FRYL: variants seen among roughly 807,000 people sequenced by gnomAD.
FRYL encodes the protein FRY like transcription coactivator, also known as protein furry homolog-like.
Under a neutral mutation model 351.2 loss-of-function variants are expected in FRYL, and 150 were observed. The ratio of observed to expected loss-of-function variants is 0.43; its 90% CI spans 0.37 to 0.49. FRYL has a LOEUF of 0.49. Among genes scored for constraint, FRYL ranks in the 20% least tolerant of loss-of-function variants. The pLI, the probability that FRYL is intolerant of heterozygous loss-of-function variation, is 0.00. For missense variants in FRYL, 3,036 were observed against 3,619.3 expected (o/e 0.84, Z 4.13); for synonymous variants, 1,153 against 1,257.1 (o/e 0.92, Z 1.75).
intron 3 of FRYL, among the ~76,000 whole-genome samples, chr4:48,677,674 T>C (rs1763938049): frequency 6.6e-6 from 1 of 152,234 alleles, no homozygotes; most frequent in African/African-American, 2.4e-5. Context: ...GCCTCCCAAA[T>C]TGCTGGGATT....
intron 1 of FRYL, among the ~76,000 whole-genome samples, chr4:48,740,828 T>G (rs1450137994): frequency 6.6e-6 from 1 of 152,184 alleles, no homozygotes; most frequent in African/African-American, 2.4e-5. Context: ...AAACAGCCAC[T>G]TTGAAAGACA....
At chr4:48,676,428 G>A (rs138387019) in intron 3 of FRYL, among the ~76,000 whole-genome samples, 256 of 152,312 alleles carry the variant, frequency 1.7e-3, no homozygotes, top group African/African-American at 5.7e-3. Context: ...CACTCACCGC[G>A]AGGGTCCGCG....
chr4:48,578,506 C>T (rs1442314670), intron 23 of FRYL, among the ~76,000 whole-genome samples: 1 of 152,198 alleles, frequency 6.6e-6, no homozygotes, highest in Admixed American at 6.5e-5. Flanking sequence ...TATTCCAAAT[C>T]TTTACCAACA....
Position 48,501,743 on chromosome 4 carries a change from AATAAC to A in FRYL, c.8482-15_8482-11del, listed in dbSNP as rs761189449. 21 of 1,422,658 alleles carry A rather than the reference AATAAC, an allele frequency of 1.5e-5. No individual in the cohort carries two copies. In the Middle Eastern group the frequency reaches 5.3e-4, roughly 36 times the overall value. 88.1% of individuals were successfully genotyped at this position (1,422,658 alleles called of 1,614,324 possible). A position where few individuals can be genotyped will look rare whatever the true frequency, so the allele number is the denominator to read the frequency against. On this transcript the variant is annotated splice_polypyrimidine_tract_variant and intron_variant, in intron 61 of 63. Transcript: ENST00000358350. ...GGCAGAGCTCCAATTCCTAGAAATA[AATAAC>A]ATTACATTAAATTTAGGTGTTATTT...
rs146380500 is a variant in FRYL at position 48,738,856 on chromosome 4, G to A, written c.-383-28158C>T. Among the ~76,000 whole-genome samples, 248 of 152,070 alleles carry A rather than the reference G, an allele frequency of 1.6e-3. 1 individual carries two copies. The highest frequency in any genetic ancestry group is 5.6e-3 in the African/African-American group (231 of 41,494). On this transcript the variant is annotated intron_variant, in intron 1 of 63. Transcript: ENST00000358350. ...TTAGTTATTCCCAACTTGATCTATA[G>A]GGTCAACGCAATCTCAATGAAAATT...
At chr4:48,530,655 C>G (rs1187259884) in intron 50 of FRYL, among the ~76,000 whole-genome samples, 2 of 152,126 alleles carry the variant, frequency 1.3e-5, no homozygotes, top group Non-Finnish European at 2.9e-5. Context: ...GTAGGCGGTA[C>G]TAGTTGGAAG....
Position 48,656,719 on chromosome 4 carries a change from T to C in FRYL, c.-80-22229A>G, listed in dbSNP as rs1306054254. ...TATGCATATATATAAAATGTATATA[T>C]ATGACTGACTATATATATATATATT... On this transcript the variant is annotated intron_variant, in intron 3 of 63. Transcript: ENST00000358350. 6.7e-5 allele frequency among the ~76,000 whole-genome samples: 4 copies of C among 59,694 alleles called. 1 individual carries two copies. Among genetic ancestry groups the C allele is most frequent in the Admixed American group, 5.9e-4 (2 of 3,378 alleles). 39.2% of individuals were successfully genotyped at this position (59,694 alleles called of 152,430 possible). A position where few individuals can be genotyped will look rare whatever the true frequency, so the allele number is the denominator to read the frequency against.
chr4:48,618,562 T>C (rs1750015215), intron 7 of FRYL: 1 of 137,392 alleles, frequency 7.3e-6, no homozygotes, highest in Non-Finnish European at 1.5e-5. Context: ...CCTTGAATGA[T>C]ATAACTTTAA....
At chr4:48,740,240 C>A (rs1211718027) in intron 1 of FRYL, among the ~76,000 whole-genome samples, 1 of 151,082 alleles carries the variant, frequency 6.6e-6, no homozygotes. Flanking sequence ...AAAGTAGCAT[C>A]CAAAATACAT....
At chr4:48,524,835 C>T (rs1725660148) in intron 53 of FRYL, among the ~76,000 whole-genome samples, 2 of 152,006 alleles carry the variant, frequency 1.3e-5, no homozygotes, top group Non-Finnish European at 2.9e-5. Flanking sequence ...AATAACCTTA[C>T]CATTACAAAA....
chr4:48,698,079 A>C (rs993887873), intron 2 of FRYL, among the ~76,000 whole-genome samples: 6 of 152,206 alleles, frequency 3.9e-5, no homozygotes, highest in Non-Finnish European at 7.4e-5. Flanking sequence ...AGGAGTTTAC[A>C]GACAAGCTGG....
chr4:48,659,387 AAGGAGAAGAAGGAGAAGG>A lies in FRYL; in HGVS notation c.-80-24915_-80-24898del, dbSNP rs532538091. ...AAAAAAGAGAGAGAAGAAGAAGGAG[AAGGAGAAGAAGGAGAAGG>A]AGAAGGAGAAGGAGAAGGAGAAGAG... On this transcript the variant is annotated intron_variant, in intron 3 of 63. Transcript: ENST00000358350. 2.1e-3 allele frequency among the ~76,000 whole-genome samples: 47 copies of A among 22,826 alleles called. 15 individuals are homozygous for A. Among genetic ancestry groups the A allele is most frequent in the Non-Finnish European group, 3.7e-3 (32 of 8,708 alleles). 15.0% of individuals were successfully genotyped at this position (22,826 alleles called of 152,430 possible).
chr4:48,531,332 G>C lies in FRYL; in HGVS notation c.6727C>G (p.Leu2243Val). ...GACACCACCAGCTTTAATATGTTAAGGGCTTCCTTCCAGTAAGGACTCTGG... is the reference window on the plus strand; with the variant it reads ...GACACCACCAGCTTTAATATGTTAACGGCTTCCTTCCAGTAAGGACTCTGG... ...YVQSPYWKEA[L>V]NILKLVVSRS... The change falls in exon 50 of 64, where the codon CTT becomes GTT. Residue 2243 changes from leucine (L) to valine (V), a missense_variant. Leu to Val is a conservative substitution (Grantham distance 32). Coordinates refer to ENST00000358350, the MANE Select transcript of FRYL (RefSeq NM_015030.2). 2.5e-6 allele frequency: 4 copies of C among 1,613,226 alleles called. No individual in the cohort carries two copies. The highest frequency in any genetic ancestry group is 3.4e-6 in the Non-Finnish European group (4 of 1,179,522).
Position 48,778,642 on chromosome 4 carries a change from T to C in FRYL, c.-384+1436A>G, listed in dbSNP as rs183047227. On this transcript the variant is annotated intron_variant, in intron 1 of 63. Transcript: ENST00000358350. ...TATCTCTGATTTCCTCGGCAAGTAT[T>C]GACAGATTAAGCAGAGTGATAATGC... is the stretch of plus-strand genomic sequence containing the variant. 1.8e-3 allele frequency among the ~76,000 whole-genome samples: 275 copies of C among 152,358 alleles called. 1 individual carries two copies. The highest frequency in any genetic ancestry group is 0.014 in the Middle Eastern group (4 of 294).
intron 1 of FRYL, among the ~76,000 whole-genome samples, chr4:48,744,491 GAA>G (rs1239051197): frequency 6.6e-6 from 1 of 152,178 alleles, no homozygotes; most frequent in Non-Finnish European, 1.5e-5. Context: ...GAACCCCAAA[GAA>G]ATGTTAGAGA....
chr4:48,527,738 G>T, intron 52 of FRYL, 85 bp from the exon 53 acceptor site: 1 of 1,311,712 alleles, frequency 7.6e-7, no homozygotes, highest in Non-Finnish European at 1.1e-6. Flanking sequence ...CAAAGCCACC[G>T]CAGGCCTCAT....
chr4:48,723,295 A>C (rs1037536412), intron 1 of FRYL, among the ~76,000 whole-genome samples: 13 of 152,168 alleles, frequency 8.5e-5, no homozygotes, highest in African/African-American at 3.1e-4. Context: ...GGCATATGGC[A>C]CCATGCCTGG....
At chr4:48,681,716 T>TTTTTTATTGATTAC (rs1263425846) in intron 3 of FRYL, among the ~76,000 whole-genome samples, 2 of 152,176 alleles carry the variant, frequency 1.3e-5, no homozygotes, top group Admixed American at 1.3e-4. Flanking sequence ...TCAATGATAC[T>TTTTTTATTGATTAC]TATCAATAGT....
intron 58 of FRYL, among the ~76,000 whole-genome samples, 185 bp from the exon 59 acceptor site, chr4:48,510,342 T>C (rs1349524734): frequency 1.3e-5 from 2 of 152,166 alleles, no homozygotes; most frequent in African/African-American, 2.4e-5. Flanking sequence ...CAGTGGGACT[T>C]GAGGAGGGTC....
Sources: gnomAD v4.1 joint callset for allele counts (sites outside exome capture counted in the v4.1 genomes callset) on GRCh38, gnomAD v4.1.1 for gene constraint, MANE v1.5 for transcripts, NCBI Gene and HGNC (gene_info 2026-07-23, HGNC 2026-07-21) for gene names.